The following FNBP1 variants were observed in gnomAD, a reference collection of about 807,000 sequenced individuals.
FNBP1 encodes the protein formin-binding protein 1.
A neutral mutation model predicts 90.6 loss-of-function variants in FNBP1; 26 were observed. The ratio of observed to expected loss-of-function variants is 0.29; its 90% confidence interval spans 0.21 to 0.40. FNBP1 has a LOEUF of 0.40. Ranked by LOEUF, FNBP1 falls within the 10% of genes least tolerant of loss-of-function variation. FNBP1 has a pLI of 1.00. For synonymous variants in FNBP1, 260 were observed against 265.2 expected, an observed-to-expected ratio of 0.98 and a Z score of 0.19; for missense variants, 635 against 768.0, an observed-to-expected ratio of 0.83 and a Z score of 2.05.
At chr9:130,046,145 A>G (rs1316394682), upstream of FNBP1, among the ~76,000 whole-genome samples, 3 of 152,110 alleles carry the variant, frequency 2.0e-5, no homozygotes, top group Non-Finnish European at 4.4e-5. Flanking sequence ...AAAAACCCCA[A>G]AATGATGTCT....
At chr9:129,995,077 T>G (rs2053775561) in intron 1 of FNBP1, 119 bp from the exon 2 acceptor site, 1 of 645,220 alleles carries the variant, frequency 1.5e-6, no homozygotes, top group African/African-American at 1.9e-5. Context: ...TTTTCCATGA[T>G]TATACTTGGG....
intron 1 of FNBP1, among the ~76,000 whole-genome samples, chr9:130,027,978 CG>C (rs1265106915): frequency 6.6e-6 from 1 of 151,994 alleles, no homozygotes; most frequent in East Asian, 1.9e-4. Flanking sequence ...GTCTCAAACT[CG>C]TGTGTTCAAA....
At chr9:130,015,988 G>C (rs1424065870) in intron 1 of FNBP1, among the ~76,000 whole-genome samples, 3 of 151,904 alleles carry the variant, frequency 2.0e-5, no homozygotes, top group Non-Finnish European at 4.4e-5. Context: ...ATTTTCATTT[G>C]GAATTTGGAA....
chr9:129,950,856 C>T (rs979748315), intron 6 of FNBP1, among the ~76,000 whole-genome samples: 25 of 152,022 alleles, frequency 1.6e-4, no homozygotes, highest in Non-Finnish European at 2.6e-4. Context: ...TGCAGTGGTG[C>T]GATCACTGAT....
At chr9:129,965,968 T>C (rs931709481) in intron 4 of FNBP1, among the ~76,000 whole-genome samples, 1 of 152,120 alleles carries the variant, frequency 6.6e-6, no homozygotes, top group African/African-American at 2.4e-5. Flanking sequence ...GAATCTCCCA[T>C]CAATAAGATT....
At chr9:129,958,910 G>GAGGTTGAC (rs1484458666) in intron 4 of FNBP1, among the ~76,000 whole-genome samples, 5 of 133,358 alleles carry the variant, frequency 3.7e-5, no homozygotes, top group African/African-American at 1.4e-4. Context: ...TAAGTCCAGG[G>GAGGTTGAC]AGGTTGACAC....
rs145171174 is a variant in FNBP1, at chr9:129,901,854, C to T, written c.1428+1015G>A. Among the ~76,000 whole-genome samples, 485 of 152,180 alleles carry T rather than the reference C, an allele frequency of 3.2e-3. 3 individuals carry two copies. The highest frequency in any genetic ancestry group is 0.011 in the African/African-American group (463 of 41,510). On this transcript the variant is annotated intron_variant, in intron 13 of 16. Transcript: ENST00000446176. The stretch of plus-strand genomic sequence containing the variant: ...TTGAACCTGGGAAGTGGAGGTCACA[C>T]TGAGGTGAGATCACGCTACTACACT...
At chr9:130,027,019 C>A (rs2058410009) in intron 1 of FNBP1, among the ~76,000 whole-genome samples, 1 of 150,902 alleles carries the variant, frequency 6.6e-6, no homozygotes, top group Non-Finnish European at 1.5e-5. Flanking sequence ...CAAAACAACA[C>A]TTCTGAAGTA....
intron 15 of FNBP1, among the ~76,000 whole-genome samples, chr9:129,898,036 G>A (rs549947468): frequency 6.6e-6 from 1 of 151,954 alleles, no homozygotes; most frequent in South Asian, 2.1e-4. Flanking sequence ...CATCATGTTG[G>A]GCAGGCTGGT....
intron 2 of FNBP1, among the ~76,000 whole-genome samples, chr9:129,991,256 C>A (rs914020223): frequency 6.6e-6 from 1 of 150,442 alleles, no homozygotes; most frequent in African/African-American, 2.4e-5. Flanking sequence ...GGAGGAAAAT[C>A]TAGGTCGTGG....
chr9:129,996,017 T>C (rs1320576009), intron 1 of FNBP1, among the ~76,000 whole-genome samples: 3 of 152,014 alleles, frequency 2.0e-5, no homozygotes, highest in South Asian at 2.1e-4. Flanking sequence ...GAGTGGCCGG[T>C]TGGACGTGGA....
intron 2 of FNBP1, among the ~76,000 whole-genome samples, chr9:129,983,046 C>T (rs150159992): frequency 8.5e-5 from 13 of 152,328 alleles, no homozygotes; most frequent in African/African-American, 2.4e-4. Flanking sequence ...ATTCACACCT[C>T]ATATAAAAAT....
intron 1 of FNBP1, among the ~76,000 whole-genome samples, chr9:130,027,894 C>T (rs965314920): frequency 3.3e-5 from 5 of 151,874 alleles, no homozygotes; most frequent in Non-Finnish European, 7.4e-5. Flanking sequence ...AAGAAAAAAA[C>T]GCACGGCTAT....
intron 4 of FNBP1, among the ~76,000 whole-genome samples, chr9:129,977,836 CATATT>C (rs1044233107): frequency 5.3e-5 from 8 of 151,732 alleles, no homozygotes; most frequent in African/African-American, 1.9e-4. Context: ...GAGCATACAC[CATATT>C]ATATTACTTA....
chr9:130,038,248 C>G (rs535073109), intron 1 of FNBP1, among the ~76,000 whole-genome samples: 6 of 150,288 alleles, frequency 4.0e-5, no homozygotes, highest in African/African-American at 1.2e-4. Context: ...CCAGCTACTC[C>G]GGAGGCTGAG....
Position 129,890,610 on chromosome 9 carries a change from C to G in FNBP1, c.1847-64G>C. The stretch of plus-strand genomic sequence containing the variant: ...TAGAGAGGAAGGCGCGGGTTCCAGG[C>G]GGGCATTTTGCTCTTGGCTACAAAC... On this transcript the variant is annotated intron_variant, in intron 16 of 16. Coordinates refer to ENST00000446176, the MANE Select transcript of FNBP1 (RefSeq NM_015033.3). The surrounding 1 kb of genome is among the most constrained non-coding windows in gnomAD (Gnocchi z 5.8). 8.3e-7 allele frequency: 1 copy of G among 1,209,284 alleles called. No homozygotes were observed. The highest frequency in any genetic ancestry group is 1.1e-6 in the Non-Finnish European group (1 of 911,752). 74.9% of individuals were successfully genotyped at this position (1,209,284 alleles called of 1,614,324 possible).
At chr9:130,014,240 T>C (rs1345546815) in intron 1 of FNBP1, among the ~76,000 whole-genome samples, 3 of 151,544 alleles carry the variant, frequency 2.0e-5, no homozygotes. Flanking sequence ...TTCTTATTTC[T>C]TTCTTTCTTT....
chr9:130,045,471 TA>T (rs2060055568), upstream of FNBP1, among the ~76,000 whole-genome samples: 2 of 152,114 alleles, frequency 1.3e-5, no homozygotes, highest in Non-Finnish European at 2.9e-5. Flanking sequence ...GAAAATACTC[TA>T]ATCAAGAAGT....
intron 9 of FNBP1, 48 bp downstream of exon 9, chr9:129,924,912 C>T (rs1314012061): frequency 6.7e-7 from 1 of 1,492,064 alleles, no homozygotes; most frequent in African/African-American, 1.4e-5. Context: ...AAGATCAAGT[C>T]AAAATCTCCA....
Sources: gnomAD v4.1 joint callset for allele counts (sites outside exome capture counted in the v4.1 genomes callset) on GRCh38, gnomAD v4.1.1 for gene constraint, Gnocchi (gnomAD v3.1) non-coding constraint, MANE v1.5 for transcripts, NCBI Gene and HGNC (gene_info 2026-07-23, HGNC 2026-07-21) for gene names.